The following FAM110B variants were observed in gnomAD, a reference collection of about 807,000 sequenced individuals.
FAM110B encodes family with sequence similarity 110 member B, also known as protein FAM110B.
FAM110B carries 6 observed loss-of-function variants against 20.4 expected under a neutral mutation model. The observed-to-expected ratio is 0.29, with a 90% CI of 0.16 to 0.58. The LOEUF (loss-of-function observed/expected upper bound fraction) is 0.58. Ranked by LOEUF, FAM110B falls within the 20% of genes least tolerant of loss-of-function variation. The pLI, the probability that FAM110B is intolerant of heterozygous loss-of-function variation, is 0.90. For missense variants in FAM110B, 434 were observed against 498.2 expected, an observed-to-expected ratio of 0.87 and a Z score of 1.23; for synonymous variants, 226 against 214.1, an observed-to-expected ratio of 1.06 and a Z score of -0.49.
In FAM110B at chr8:58,147,314, A is replaced by G. The variant is rs1290068816; in HGVS notation, c.1084A>G (p.Arg362Gly). The G allele has an allele frequency of 6.8e-6, 11 of 1,614,010 alleles. No homozygotes were observed. Among genetic ancestry groups the G allele is most frequent in the East Asian group, 2.2e-5 (1 of 44,894 alleles). ...IKWLYSIKQARESQKVSHV is the reference protein window; with the variant it reads ...IKWLYSIKQAGESQKVSHV ...GTGGTTATATAGCATCAAACAAGCT[A>G]GAGAGTCACAGAAGGTCTCCCATGT... Residue 362 changes from arginine to glycine, a missense_variant, in exon 4 of 4, where the codon AGA becomes GGA. By Grantham distance (125) the Arg-to-Gly change is moderately radical. Transcript: ENST00000519262.
chr8:58,096,325 G>A (rs957005610), intron 3 of FAM110B, among the ~76,000 whole-genome samples: 3 of 152,056 alleles, frequency 2.0e-5, no homozygotes, highest in Non-Finnish European at 4.4e-5. Context: ...ACAGGCACCT[G>A]CCACCACACC....
intron 2 of FAM110B, among the ~76,000 whole-genome samples, chr8:58,064,566 A>G (rs1314620565): frequency 6.6e-6 from 1 of 152,064 alleles, no homozygotes; most frequent in Non-Finnish European, 1.5e-5. Flanking sequence ...TTTATACTAT[A>G]TACATCTTTT....
intron 3 of FAM110B, among the ~76,000 whole-genome samples, chr8:58,081,545 G>T (rs960252239): frequency 1.3e-5 from 2 of 152,074 alleles, no homozygotes; most frequent in African/African-American, 4.8e-5. Context: ...TTACTTCCCT[G>T]CTCTGAAACG....
chr8:58,003,688 G>A (rs368204067), intron 1 of FAM110B, among the ~76,000 whole-genome samples: 2 of 152,176 alleles, frequency 1.3e-5, no homozygotes, highest in African/African-American at 4.8e-5. Context: ...ATTTTGAAAG[G>A]AATCTTTTTC....
intron 1 of FAM110B, among the ~76,000 whole-genome samples, chr8:58,017,288 G>C (rs1290630559): frequency 1.3e-5 from 2 of 152,242 alleles, no homozygotes; most frequent in East Asian, 3.8e-4. Flanking sequence ...GAGACTGGCT[G>C]AGGGATATTA....
intron 1 of FAM110B, among the ~76,000 whole-genome samples, chr8:58,003,528 A>G (rs1278426668): frequency 9.2e-5 from 14 of 152,344 alleles, no homozygotes; most frequent in African/African-American, 2.9e-4. Context: ...GGTATTCCTT[A>G]AGTAATAAGA....
intron 2 of FAM110B, among the ~76,000 whole-genome samples, chr8:58,073,602 T>C (rs987342135): frequency 1.3e-5 from 2 of 152,246 alleles, no homozygotes; most frequent in Non-Finnish European, 2.9e-5. Flanking sequence ...TGAAGTTTTC[T>C]TTAACGTATC....
At chr8:58,114,258 A>G (rs780884189) in intron 3 of FAM110B, among the ~76,000 whole-genome samples, 6 of 152,210 alleles carry the variant, frequency 3.9e-5, no homozygotes, top group Non-Finnish European at 8.8e-5. Context: ...GAGGGTTACT[A>G]CTAGAAGCCA....
chr8:58,055,991 G>A (rs1805539654), intron 2 of FAM110B, among the ~76,000 whole-genome samples: 2 of 152,192 alleles, frequency 1.3e-5, no homozygotes, highest in South Asian at 2.1e-4. Context: ...TGATGTTTTA[G>A]TCTAGCCTAG....
chr8:58,056,023 G>T (rs1273739540), intron 2 of FAM110B, among the ~76,000 whole-genome samples: 1 of 152,152 alleles, frequency 6.6e-6, no homozygotes, highest in Non-Finnish European at 1.5e-5. Flanking sequence ...GCAAACTATT[G>T]CCTGTGTGCC....
chr8:58,032,271 A>G (rs1804979165), intron 2 of FAM110B: 1 of 152,386 alleles, frequency 6.6e-6, no homozygotes, highest in Non-Finnish European at 1.5e-5. Context: ...GATAAGTAAA[A>G]CAGAAACAGT....
At chr8:58,098,885 G>A (rs1204146969) in intron 3 of FAM110B, 2 of 152,250 alleles carry the variant, frequency 1.3e-5, no homozygotes, top group Non-Finnish European at 2.9e-5. Context: ...CTAATGAGAT[G>A]AGCTAGGTAC....
chr8:58,092,579 C>T (rs1302364744), intron 3 of FAM110B, among the ~76,000 whole-genome samples: 1 of 152,158 alleles, frequency 6.6e-6, no homozygotes, highest in Non-Finnish European at 1.5e-5. Flanking sequence ...ATGAACTCAT[C>T]CTTTTTTATG....
At chr8:58,134,517 T>C (rs978649269) in intron 3 of FAM110B, among the ~76,000 whole-genome samples, 57 of 152,340 alleles carry the variant, frequency 3.7e-4, no homozygotes, top group African/African-American at 1.3e-3. Flanking sequence ...CTTTACAATA[T>C]GAAAGGGTGT....
chr8:58,107,077 T>TAA (rs11435278), intron 3 of FAM110B, among the ~76,000 whole-genome samples: 35 of 147,812 alleles, frequency 2.4e-4, no homozygotes, highest in Admixed American at 3.4e-4. Context: ...CTGGCGGTGG[T>TAA]AAAAAAAAAA....
chr8:57,998,681 G>A (rs565492830), intron 1 of FAM110B, among the ~76,000 whole-genome samples: 3 of 152,312 alleles, frequency 2.0e-5, no homozygotes, highest in African/African-American at 7.2e-5. Context: ...ACTTTGAAAG[G>A]ATAAGTTATG....
At chr8:58,031,082 C>T (rs553704519) in intron 1 of FAM110B, among the ~76,000 whole-genome samples, 1 of 152,182 alleles carries the variant, frequency 6.6e-6, no homozygotes, top group Non-Finnish European at 1.5e-5. Flanking sequence ...CCAGGACCAG[C>T]GGAAACATGT....
At chr8:57,995,782 T>C (rs1281358250) in intron 1 of FAM110B, among the ~76,000 whole-genome samples, 3 of 152,246 alleles carry the variant, frequency 2.0e-5, no homozygotes, top group African/African-American at 7.2e-5. Flanking sequence ...GCAGGCTTTC[T>C]TTCCTGCCTA....
At chr8:58,007,941 G>A (rs923730116) in intron 1 of FAM110B, among the ~76,000 whole-genome samples, 1 of 152,010 alleles carries the variant, frequency 6.6e-6, no homozygotes, top group Non-Finnish European at 1.5e-5. Flanking sequence ...ATATTTATAC[G>A]TAAAGTAACA....
Sources: allele counts gnomAD v4.1 joint callset (sites outside exome capture counted in the v4.1 genomes callset), GRCh38; gene constraint gnomAD v4.1.1; transcripts MANE v1.5; gene names NCBI Gene and HGNC (gene_info 2026-07-23, HGNC 2026-07-21).